The following PIAS4 variants were observed in gnomAD, a reference collection of about 807,000 sequenced individuals.
PIAS4 encodes protein inhibitor of activated STAT 4, also known as E3 SUMO-protein ligase PIAS4.
A neutral mutation model predicts 58.0 loss-of-function variants in PIAS4; 7 were observed. That is an observed-to-expected ratio of 0.12 (90% CI 0.07 to 0.23). The LOEUF (loss-of-function observed/expected upper bound fraction) is 0.23. PIAS4 is among the 10% of genes least tolerant of loss of function. PIAS4 has a pLI of 1.00. For synonymous variants in PIAS4, 364 were observed against 312.4 expected (o/e 1.17, Z -1.74); for missense variants, 550 against 709.5 (o/e 0.78, Z 2.55).
At chr19:4,033,075 G>A (rs772501078) in intron 7 of PIAS4, 25 bp from the exon 8 acceptor site, 11 of 1,599,198 alleles carry the variant, frequency 6.9e-6, no homozygotes, top group Admixed American at 5.0e-5. Flanking sequence ...CCCTCCTGAC[G>A]GTGTCTTCCG....
chr19:4,035,312 C>T (rs1226098875), intron 9 of PIAS4, among the ~76,000 whole-genome samples: 2 of 152,114 alleles, frequency 1.3e-5, no homozygotes, highest in Non-Finnish European at 2.9e-5. Context: ...CTGCATGGAC[C>T]CGTGGGGCAG....
At chr19:4,031,372 G>A (rs1303383915) in intron 7 of PIAS4, among the ~76,000 whole-genome samples, 1 of 152,228 alleles carries the variant, frequency 6.6e-6, no homozygotes, top group Admixed American at 6.5e-5. Flanking sequence ...CCTCCACGGA[G>A]TCCGGCATCC....
At chr19:4,009,611 T>C (rs567782296) in intron 1 of PIAS4, among the ~76,000 whole-genome samples, 1 of 151,728 alleles carries the variant, frequency 6.6e-6, no homozygotes, top group South Asian at 2.1e-4. Flanking sequence ...TTTCAGGTTC[T>C]CTAAACCGTG....
rs776045539 is a variant in PIAS4 at position 4,033,596 on chromosome 19, C to T, written c.1142+16C>T. 7.6e-5 allele frequency: 120 copies of T among 1,582,780 alleles called. No individual in the cohort carries two copies. Among genetic ancestry groups the T allele is most frequent in the Non-Finnish European group, 9.5e-5 (111 of 1,165,374 alleles). ...TCATCGACGGGTGAGCCCGGGGCCC[C>T]GGGGAGGGCGGCCGGAGCCGGACAT... On this transcript the variant is annotated intron_variant, in intron 9 of 10. Coordinates refer to ENST00000262971, the MANE Select transcript of PIAS4 (RefSeq NM_015897.4).
At chr19:4,012,100 G>T (rs2040001342) in intron 1 of PIAS4, among the ~76,000 whole-genome samples, 1 of 151,690 alleles carries the variant, frequency 6.6e-6, no homozygotes, top group African/African-American at 2.4e-5. Context: ...TGAGCTGTGG[G>T]TATTTAGCAC....
At position 4,013,254 on chromosome 19, in the gene PIAS4, G is replaced by T; in HGVS notation, c.359G>T (p.Gly120Val). 1 of 1,613,396 alleles carries T rather than the reference G, an allele frequency of 6.2e-7. No individual in the cohort carries two copies. Among genetic ancestry groups the T allele is most frequent in the Non-Finnish European group, 8.5e-7 (1 of 1,180,000 alleles). ...TACGGAAAGTACTTAAACGGACTGG[G>T]ACGGTTGCCCGCCAAGACCCTCAAG... Reference protein sequence around the residue: ...VLYGKYLNGLGRLPAKTLKPE... With the variant: ...VLYGKYLNGLVRLPAKTLKPE... The change falls in exon 2 of 11, where the codon GGA (glycine) becomes GTA (valine). Residue 120 changes from glycine (G) to valine (V), a missense_variant. Gly to Val is a moderately radical substitution (Grantham distance 109). Coordinates refer to ENST00000262971, the MANE Select transcript of PIAS4 (RefSeq NM_015897.4). This position sits in a 1 kb window ranked among gnomAD's most constrained non-coding sequence, Gnocchi z 5.1.
At chr19:4,022,452 C>T (rs181626539) in intron 2 of PIAS4, among the ~76,000 whole-genome samples, 4 of 152,148 alleles carry the variant, frequency 2.6e-5, no homozygotes, top group East Asian at 1.9e-4. Flanking sequence ...CTGCAAGCTC[C>T]GCCTCCCAGG....
intron 2 of PIAS4, among the ~76,000 whole-genome samples, chr19:4,020,604 C>T (rs1356596872): frequency 6.6e-6 from 1 of 152,208 alleles, no homozygotes; most frequent in Non-Finnish European, 1.5e-5. Flanking sequence ...GTGCACGCTG[C>T]TCAGCGTTTT....
chr19:4,028,210 C>A, intron 4 of PIAS4, 23 bp downstream of exon 4: 1 of 1,605,332 alleles, frequency 6.2e-7, no homozygotes, highest in Non-Finnish European at 8.5e-7. Flanking sequence ...GTGCCCGCGA[C>A]CCCAGGGCTG....
chr19:4,017,038 C>T (rs1283201297), intron 2 of PIAS4, among the ~76,000 whole-genome samples: 1 of 152,168 alleles, frequency 6.6e-6, no homozygotes, highest in Non-Finnish European at 1.5e-5. Context: ...CCGCCCAGGC[C>T]CACCATCTGT....
chr19:4,017,504 T>C (rs1454329940), intron 2 of PIAS4, among the ~76,000 whole-genome samples: 2 of 152,128 alleles, frequency 1.3e-5, no homozygotes, highest in Admixed American at 6.5e-5. Context: ...CATACCTGAC[T>C]GTGCTGCCTC....
chr19:4,036,680 C>G (rs575521929), intron 9 of PIAS4, among the ~76,000 whole-genome samples: 1 of 149,260 alleles, frequency 6.7e-6, no homozygotes, highest in Non-Finnish European at 1.5e-5. Context: ...TCCACACCGT[C>G]ACACATCCAT....
chr19:4,026,217 C>G (rs1286812051), intron 3 of PIAS4, among the ~76,000 whole-genome samples: 1 of 146,180 alleles, frequency 6.8e-6, no homozygotes, highest in African/African-American at 2.7e-5. Flanking sequence ...ACTGCAACTT[C>G]TGCCTCCCAG....
rs368552344 is a variant in PIAS4, at chr19:4,036,449, C to T, written c.1143-925C>T. Among the ~76,000 whole-genome samples the T allele has an allele frequency of 4.6e-3, 667 of 145,886 alleles. 49 individuals are homozygous for T. The highest frequency in any genetic ancestry group is 0.017 in the African/African-American group (644 of 38,766). On this transcript the variant is annotated intron_variant, in intron 9 of 10. Coordinates refer to ENST00000262971, the MANE Select transcript of PIAS4 (RefSeq NM_015897.4). ...GTCCACACTGTCATACAAACACACA[C>T]ACATCTATACGGTCCACACCGTCAC...
intron 3 of PIAS4, among the ~76,000 whole-genome samples, chr19:4,024,963 C>T (rs947506452): frequency 2.6e-5 from 4 of 152,178 alleles, no homozygotes; most frequent in African/African-American, 9.7e-5. Flanking sequence ...TAGGGTTTTG[C>T]CATGTTGATC....
chr19:4,017,057 A>C (rs1265662583), intron 2 of PIAS4, among the ~76,000 whole-genome samples: 1 of 152,152 alleles, frequency 6.6e-6, no homozygotes, highest in Non-Finnish European at 1.5e-5. Context: ...GTCCGTCTGC[A>C]CACTGGGGGC....
chr19:4,035,976 TCATACACACA>T (rs1480472444), intron 9 of PIAS4, among the ~76,000 whole-genome samples: 1 of 1,958 alleles, frequency 5.1e-4, no homozygotes, highest in African/African-American at 1.2e-3. Context: ...GTCCACACCG[TCATACACACA>T]CACACACATC....
In PIAS4 at chr19:4,037,837, C is replaced by T. The variant is rs768200481; in HGVS notation, c.1495C>T (p.Arg499Cys). 8.9e-6 allele frequency: 14 copies of T among 1,569,016 alleles called. No homozygotes were observed. The East Asian group carries it at 1.9e-4, about 21-fold the overall frequency. ...EDEEGPRPKR[R>C]CPFQKGLVPA... ...CGAAGAGGGGCCCCGGCCCAAGCGCCGCTGCCCCTTCCAGAAGGGCCTGGT... is the reference window on the plus strand; with the variant it reads ...CGAAGAGGGGCCCCGGCCCAAGCGCTGCTGCCCCTTCCAGAAGGGCCTGGT... The change falls in exon 11 of 11, where the codon CGC (arginine) becomes TGC (cysteine). Residue 499 changes from arginine (R) to cysteine (C), a missense_variant. Around this residue, in one of 4 missense-constraint regions of PIAS4, gnomAD observed 188 missense variants for 192.0 expected, o/e 0.98. Transcript: ENST00000262971. The surrounding 1 kb of genome is among the most constrained non-coding windows in gnomAD (Gnocchi z 5.8).
At chr19:4,034,174 C>T (rs1026145961) in intron 9 of PIAS4, among the ~76,000 whole-genome samples, 8 of 152,194 alleles carry the variant, frequency 5.3e-5, no homozygotes, top group Non-Finnish European at 7.4e-5. Context: ...TGCCCGGCGC[C>T]GACCGCGCCC....
Sources: allele counts gnomAD v4.1 joint callset (sites outside exome capture counted in the v4.1 genomes callset), GRCh38; gene constraint gnomAD v4.1.1; regional missense constraint gnomAD v4.1.1; non-coding constraint Gnocchi (gnomAD v3.1); transcripts MANE v1.5; gene names NCBI Gene and HGNC (gene_info 2026-07-23, HGNC 2026-07-21).